COL4A2: variants seen among roughly 807,000 people sequenced by gnomAD.
COL4A2 encodes collagen alpha-2(IV) chain.
A neutral mutation model predicts 200.2 loss-of-function variants in COL4A2; 99 were observed. The ratio of observed to expected loss-of-function variants is 0.49; its 90% CI spans 0.42 to 0.58. COL4A2 has a LOEUF of 0.58. COL4A2 is among the 20% of genes least tolerant of loss of function. The pLI is 0.00. For missense variants in COL4A2, 1,950 were observed against 2,314.1 expected (o/e 0.84, Z 3.23); for synonymous variants, 897 against 900.6 (o/e 1.00, Z 0.07).
At chr13:110,467,202 A>C (rs1020998519) in intron 27 of COL4A2, 106 bp downstream of exon 27, 1 of 1,440,600 alleles carries the variant, frequency 6.9e-7, no homozygotes, top group Non-Finnish European at 9.5e-7. Context: ...CCCCCACCCC[A>C]GACATGGTCG....
chr13:110,462,091 A>AT, intron 22 of COL4A2, 23 bp from the exon 23 acceptor site: 2 of 1,612,688 alleles, frequency 1.2e-6, no homozygotes, highest in South Asian at 1.1e-5. Context: ...GAAGGAAGAT[A>AT]TTTTTTTGTC....
intron 8 of COL4A2, 178 bp from the exon 9 acceptor site, chr13:110,430,223 A>G: frequency 1.3e-6 from 1 of 792,150 alleles, no homozygotes; most frequent in Non-Finnish European, 1.8e-6. Flanking sequence ...TAATATTACT[A>G]AAATATATTC....
chr13:110,473,781 C>T (rs1396793350), intron 29 of COL4A2, among the ~76,000 whole-genome samples: 1 of 152,094 alleles, frequency 6.6e-6, no homozygotes, highest in South Asian at 2.1e-4. Flanking sequence ...ACTGGGTGAA[C>T]CCCAGGCTGG....
In COL4A2 at chr13:110,495,425, C is replaced by T. The variant is rs760522637; in HGVS notation, c.3718C>T (p.Pro1240Ser). ...AGGAGAGGCCAACACCCTTCCAGGC[C>T]CTGTGGGAGTCCCAGGACAGAAAGG... Reference protein sequence around the residue: ...DPGEANTLPGPVGVPGQKGDQ... With the variant: ...DPGEANTLPGSVGVPGQKGDQ... The change falls in exon 40 of 48, where the codon CCT becomes TCT. Residue 1240 changes from proline (P) to serine (S), a missense_variant. Pro to Ser is a moderately conservative substitution (Grantham distance 74). Around this residue, in one of 2 missense-constraint regions of COL4A2, gnomAD observed 1,385 missense variants for 1,720.5 expected, o/e 0.80. Coordinates refer to ENST00000360467, the MANE Select transcript of COL4A2 (RefSeq NM_001846.4). 6.2e-7 allele frequency: 1 copy of T among 1,613,948 alleles called. No homozygotes were observed. Among genetic ancestry groups the T allele is most frequent in the Non-Finnish European group, 8.5e-7 (1 of 1,179,972 alleles).
At chr13:110,394,902 A>T (rs1211097650) in intron 4 of COL4A2, among the ~76,000 whole-genome samples, 7 of 152,218 alleles carry the variant, frequency 4.6e-5, no homozygotes, top group Non-Finnish European at 8.8e-5. Flanking sequence ...TTCAATTCAG[A>T]ACAAATTCAA....
intron 4 of COL4A2, among the ~76,000 whole-genome samples, chr13:110,388,436 T>G (rs1211019131): frequency 3.3e-5 from 5 of 152,298 alleles, no homozygotes; most frequent in African/African-American, 4.8e-5. Flanking sequence ...AGATTTATTT[T>G]TACTCGTTGA....
At position 110,462,136 on chromosome 13, in the gene COL4A2, C is replaced by T. The variant is rs768454203; in HGVS notation, c.1619C>T (p.Ala540Val). ...CAGGGAGTGCCTGGCAACATTGGTGCTCCCGGACCCAAAGGAGCAAAAGGA... is the reference window on the plus strand; with the variant it reads ...CAGGGAGTGCCTGGCAACATTGGTGTTCCCGGACCCAAAGGAGCAAAAGGA... ...GLKGVPGNIG[A>V]PGPKGAKGDS... Residue 540 changes from alanine (A) to valine (V), a missense_variant, in exon 23 of 48, where the codon GCT becomes GTT. This residue lies in a region of COL4A2 where 1,385 missense variants were observed against 1,720.5 expected (regional missense o/e 0.80). Coordinates refer to ENST00000360467, the MANE Select transcript of COL4A2 (RefSeq NM_001846.4). The T allele has an allele frequency of 1.9e-6, 3 of 1,614,146 alleles. No individual in the cohort carries two copies.
intron 3 of COL4A2, among the ~76,000 whole-genome samples, chr13:110,337,105 T>G (rs906778590): frequency 4.6e-5 from 7 of 152,252 alleles, no homozygotes; most frequent in Non-Finnish European, 7.3e-5. Flanking sequence ...GATGCTGTTT[T>G]GTACACGTAG....
At position 110,462,303 on chromosome 13, in the gene COL4A2, A is replaced by T; in HGVS notation, c.1695A>T (p.Pro565=). ...GTGAGCGGGGACAGCCCGGCGTCCC[A>T]GGTGTGCCCGGGATGAAAGGTGACG... The part of the protein sequence containing the change: ...TKGERGQPGV[P]GVPGMKGDDG... Residue 565 remains proline (P), a synonymous_variant, in exon 24 of 48, where the codon CCA becomes CCT. Transcript: ENST00000360467. The T allele has an allele frequency of 3.1e-6, 5 of 1,614,232 alleles. No individual in the cohort carries two copies. Among genetic ancestry groups the T allele is most frequent in the Non-Finnish European group, 4.2e-6 (5 of 1,180,050 alleles).
intron 32 of COL4A2, among the ~76,000 whole-genome samples, chr13:110,484,694 C>T (rs1883049692): frequency 6.6e-6 from 1 of 152,128 alleles, no homozygotes; most frequent in Non-Finnish European, 1.5e-5. Flanking sequence ...CTCAGTGACA[C>T]CAGCCCCAGG....
chr13:110,486,788 G>T (rs1249253159), intron 34 of COL4A2, among the ~76,000 whole-genome samples: 53 of 152,092 alleles, frequency 3.5e-4, no homozygotes, highest in Non-Finnish European at 4.4e-5. Flanking sequence ...AGGAGTGGGG[G>T]TCACAAGGTG....
chr13:110,446,284 C>A (rs1881319936), intron 17 of COL4A2, among the ~76,000 whole-genome samples: 9 of 152,136 alleles, frequency 5.9e-5, no homozygotes, highest in Admixed American at 5.9e-4. Context: ...GCTGGTCTAG[C>A]TGAGAGGGGA....
intron 47 of COL4A2, among the ~76,000 whole-genome samples, chr13:110,511,046 T>G (rs1409240165): frequency 6.6e-6 from 1 of 152,132 alleles, no homozygotes; most frequent in African/African-American, 2.4e-5. Flanking sequence ...AACAGCCCCT[T>G]TTTTCCCTGC....
chr13:110,476,436 G>A (rs142631795), intron 29 of COL4A2, among the ~76,000 whole-genome samples: 4 of 152,312 alleles, frequency 2.6e-5, no homozygotes, highest in African/African-American at 4.8e-5. Context: ...CTTCGAGTGC[G>A]CCTCCTGCTC....
At chr13:110,476,942 A>G (rs1162053375) in intron 29 of COL4A2, among the ~76,000 whole-genome samples, 1 of 152,254 alleles carries the variant, frequency 6.6e-6, no homozygotes, top group African/African-American at 2.4e-5. Flanking sequence ...GGAAAGCAAA[A>G]TTAAACTTTG....
chr13:110,441,580 A>G (rs780368250), intron 16 of COL4A2, among the ~76,000 whole-genome samples: 1 of 152,206 alleles, frequency 6.6e-6, no homozygotes, highest in Non-Finnish European at 1.5e-5. Context: ...AACAAGAGCT[A>G]TCCAAATGCA....
chr13:110,384,130 C>CA (rs1878595450), intron 4 of COL4A2, among the ~76,000 whole-genome samples: 1 of 152,328 alleles, frequency 6.6e-6, no homozygotes, highest in African/African-American at 2.4e-5. Flanking sequence ...ACTTGTGGCT[C>CA]ACTCTGTGTG....
At chr13:110,476,595 G>A (rs916962027) in intron 29 of COL4A2, among the ~76,000 whole-genome samples, 6 of 152,206 alleles carry the variant, frequency 3.9e-5, no homozygotes, top group Non-Finnish European at 7.3e-5. Flanking sequence ...CTGCCTCCCT[G>A]TCCTGGACCA....
chr13:110,314,621 A>G (rs1170682364), intron 3 of COL4A2, among the ~76,000 whole-genome samples: 1 of 152,008 alleles, frequency 6.6e-6, no homozygotes, highest in Non-Finnish European at 1.5e-5. Flanking sequence ...TTCGCTGGGG[A>G]GGGAAGTGGC....
Sources: gnomAD v4.1 joint callset for allele counts (sites outside exome capture counted in the v4.1 genomes callset) on GRCh38, gnomAD v4.1.1 for gene constraint, gnomAD v4.1.1 regional missense constraint, MANE v1.5 for transcripts, NCBI Gene and HGNC (gene_info 2026-07-23, HGNC 2026-07-21) for gene names.